The following UBR4 variants were observed in gnomAD, a reference collection of about 807,000 sequenced individuals.
The protein encoded by UBR4 is ubiquitin protein ligase E3 component n-recognin 4.
A neutral mutation model predicts 575.6 loss-of-function variants in UBR4; 124 were observed. The ratio of observed to expected loss-of-function variants is 0.22; its 90% CI spans 0.19 to 0.25. The LOEUF (loss-of-function observed/expected upper bound fraction) is 0.25. Among genes scored for constraint, UBR4 ranks in the 10% least tolerant of loss-of-function variants. The pLI is 1.00. For missense variants in UBR4, 4,818 were observed against 6,478.8 expected (o/e 0.74, Z 8.80); for synonymous variants, 2,455 against 2,473.7 (o/e 0.99, Z 0.22).
At position 19,120,252 on chromosome 1, in the gene UBR4, C is replaced by T. The variant is rs1379812460; in HGVS notation, c.10238G>A (p.Arg3413His). 6 of 1,614,146 alleles carry T rather than the reference C, an allele frequency of 3.7e-6. No individual in the cohort carries two copies. The highest frequency in any genetic ancestry group is 2.2e-5 in the South Asian group (2 of 91,084). Residue 3413 changes from arginine (R) to histidine (H), a missense_variant, in exon 69 of 106, where the codon CGT (arginine) becomes CAT (histidine). By Grantham distance (29) the Arg-to-His change is conservative. Coordinates refer to ENST00000375254, the MANE Select transcript of UBR4 (RefSeq NM_020765.3). The part of the protein sequence containing the change: ...ADKETLIQFL[R>H]CFLLESNSSS... ...AGAATTGGACTCTAACAGGAAACAA[C>T]GCAGGAACTGGATCAGGGTTTCCTT... is the stretch of plus-strand genomic sequence containing the variant.
chr1:19,131,469 T>C (rs2082447724), intron 60 of UBR4, among the ~76,000 whole-genome samples: 1 of 152,176 alleles, frequency 6.6e-6, no homozygotes. Flanking sequence ...GAGAATTCCA[T>C]TGTCAATATG....
Position 19,179,209 on chromosome 1 carries a change from C to T in UBR4, c.2196G>A (p.Leu732=), listed in dbSNP as rs773079326. The change falls in exon 18 of 106, where the codon TTG becomes TTA. Residue 732 remains leucine, a synonymous_variant. Coordinates refer to ENST00000375254, the MANE Select transcript of UBR4 (RefSeq NM_020765.3). ...LQSPNLQNTL[L]QQLGVAPFSE... ...AAAAAGGAGCCACTCCTAGCTGCTG[C>T]AACAGTGTGTTCTGACAAGAAAGAC... is the stretch of plus-strand genomic sequence containing the variant. 1 of 1,577,900 alleles carries T rather than the reference C, an allele frequency of 6.3e-7. No individual in the cohort carries two copies. The highest frequency in any genetic ancestry group is 1.2e-5 in the South Asian group (1 of 84,696).
At chr1:19,192,594 T>C (rs886259453) in intron 9 of UBR4, 54 bp from the exon 10 acceptor site, 25 of 1,592,322 alleles carry the variant, frequency 1.6e-5, no homozygotes, top group Non-Finnish European at 2.0e-5. Flanking sequence ...GATTTCATCA[T>C]AAATGCTAAA....
intron 58 of UBR4, 23 bp downstream of exon 58, chr1:19,140,765 T>C: frequency 4.4e-6 from 7 of 1,607,640 alleles, no homozygotes; most frequent in African/African-American, 1.3e-5. Context: ...CCCTGAGCCG[T>C]GCTCCTTGCT....
intron 68 of UBR4, among the ~76,000 whole-genome samples, 199 bp downstream of exon 68, chr1:19,120,990 G>A (rs1345864685): frequency 6.6e-6 from 1 of 152,170 alleles, no homozygotes. Context: ...ACTGTCACTT[G>A]GTATGAGAAG....
chr1:19,091,970 T>C (rs1034859385), intron 97 of UBR4, among the ~76,000 whole-genome samples: 12 of 150,468 alleles, frequency 8.0e-5, no homozygotes, highest in Non-Finnish European at 1.5e-4. Context: ...CAGAAAATCA[T>C]GCTGAGAAAA....
At position 19,093,929 on chromosome 1, in the gene UBR4, A is replaced by G. The variant is rs2077776987; in HGVS notation, c.13937+20T>C. ...TTAGTGGAGACTCTCATTTCACTATATGAAATCAAAGTAACATACTTATCA... is the reference window on the plus strand; with the variant it reads ...TTAGTGGAGACTCTCATTTCACTATGTGAAATCAAAGTAACATACTTATCA... On this transcript the variant is annotated intron_variant, in intron 95 of 105. Coordinates refer to ENST00000375254, the MANE Select transcript of UBR4 (RefSeq NM_020765.3). The surrounding 1 kb of genome is among the most constrained non-coding windows in gnomAD (Gnocchi z 4.8). 6.2e-7 allele frequency: 1 copy of G among 1,602,602 alleles called. No individual in the cohort carries two copies. The highest frequency in any genetic ancestry group is 1.3e-5 in the African/African-American group (1 of 74,628).
intron 44 of UBR4, 108 bp from the exon 45 acceptor site, chr1:19,154,047 T>C (rs538889675): frequency 7.1e-6 from 9 of 1,264,106 alleles, no homozygotes; most frequent in Non-Finnish European, 9.9e-6. Context: ...CAAAGCAATA[T>C]CCTTGGCCAG....
At chr1:19,158,228 C>G (rs565454822) in intron 39 of UBR4, among the ~76,000 whole-genome samples, 1 of 152,040 alleles carries the variant, frequency 6.6e-6, no homozygotes, top group African/African-American at 2.4e-5. Context: ...AAGTACTGGT[C>G]TTTTAAAAAA....
At position 19,153,238 on chromosome 1, in the gene UBR4, G is replaced by A; in HGVS notation, c.6832+63C>T. 6.5e-7 allele frequency: 1 copy of A among 1,528,140 alleles called. No homozygotes were observed. The highest frequency in any genetic ancestry group is 1.1e-5 in the South Asian group (1 of 88,298). 94.7% of individuals were successfully genotyped at this position (1,528,140 alleles called of 1,614,324 possible). On this transcript the variant is annotated intron_variant, in intron 46 of 105. Coordinates refer to ENST00000375254, the MANE Select transcript of UBR4 (RefSeq NM_020765.3). The surrounding 1 kb of genome is among the most constrained non-coding windows in gnomAD (Gnocchi z 4.1). ...ACAGATATTTTCAACAGTCTATTCTGAGTCACTGTCTAGAAGACCACCATT... is the reference window on the plus strand; with the variant it reads ...ACAGATATTTTCAACAGTCTATTCTAAGTCACTGTCTAGAAGACCACCATT...
At chr1:19,099,039 T>A (rs1489119916) in intron 90 of UBR4, among the ~76,000 whole-genome samples, 1 of 152,154 alleles carries the variant, frequency 6.6e-6, no homozygotes, top group Non-Finnish European at 1.5e-5. Flanking sequence ...AATACTTCCA[T>A]AAGTGGACAA....
chr1:19,156,857 G>T lies in UBR4; in HGVS notation c.5829C>A (p.Thr1943=), dbSNP rs1253258005. ...AAGGAACTGGGGCAGAAGCCAAGCG[G>T]GTCAGAGTTAACTTCCTTTTGCTGG... ...ADSSKRKLTL[T]RLASAPVPFT... is the part of the protein sequence containing the mutation. Residue 1943 remains threonine, a synonymous_variant, in exon 41 of 106, where the codon ACC becomes ACA. Coordinates refer to ENST00000375254, the MANE Select transcript of UBR4 (RefSeq NM_020765.3). The T allele has an allele frequency of 2.5e-6, 4 of 1,614,038 alleles. No individual in the cohort carries two copies. The highest frequency in any genetic ancestry group is 1.6e-4 in the Middle Eastern group (1 of 6,078).
chr1:19,177,866 G>C (rs762561489), intron 18 of UBR4, 123 bp from the exon 19 acceptor site: 146 of 1,184,286 alleles, frequency 1.2e-4, no homozygotes, highest in Non-Finnish European at 1.6e-4. Flanking sequence ...AATTAAGGAA[G>C]AAAAAAAGGC....
rs2089277981 is a variant in UBR4, at chr1:19,170,151, C to T, written c.3643+611G>A. Among the ~76,000 whole-genome samples the T allele has an allele frequency of 2.0e-5, 3 of 152,308 alleles. No homozygotes were observed. In the South Asian group the frequency reaches 6.2e-4, roughly 32 times the overall value. On this transcript the variant is annotated intron_variant, in intron 26 of 105. Transcript: ENST00000375254. ...CCCAGCAAAGAGATTTTTCCAGGCA[C>T]AAAGTACTAGCTTGCTAATCTTCCT...
chr1:19,114,734 T>C, intron 75 of UBR4, 77 bp downstream of exon 75: 2 of 1,551,050 alleles, frequency 1.3e-6, no homozygotes, highest in Middle Eastern at 2.2e-4. Context: ...GAAAGTAAAG[T>C]GCACTGCACT....
chr1:19,199,029 A>G, intron 3 of UBR4, 101 bp from the exon 4 acceptor site: 1 of 1,418,184 alleles, frequency 7.1e-7, no homozygotes, highest in Non-Finnish European at 9.5e-7. Context: ...GGCCAAATTT[A>G]GGTTCATATA....
chr1:19,167,918 G>A, intron 28 of UBR4, 109 bp downstream of exon 28: 1 of 1,214,966 alleles, frequency 8.2e-7, no homozygotes, highest in Non-Finnish European at 1.1e-6. Context: ...TTTTGCTAAA[G>A]AAGTATATAA....
intron 77 of UBR4, 127 bp from the exon 78 acceptor site, chr1:19,112,994 C>A (rs1214374237): frequency 2.1e-6 from 2 of 959,928 alleles, no homozygotes; most frequent in Non-Finnish European, 3.0e-6. Context: ...TCTCAATAAC[C>A]CAACTGGTTA....
At chr1:19,208,846 G>A (rs891878542) in intron 1 of UBR4, among the ~76,000 whole-genome samples, 13 of 150,998 alleles carry the variant, frequency 8.6e-5, no homozygotes, top group African/African-American at 2.5e-4. Flanking sequence ...CGTAACATGA[G>A]TATGAGTCAG....
Sources: gnomAD v4.1 joint callset for allele counts (sites outside exome capture counted in the v4.1 genomes callset) on GRCh38, gnomAD v4.1.1 for gene constraint, Gnocchi (gnomAD v3.1) non-coding constraint, MANE v1.5 for transcripts, NCBI Gene and HGNC (gene_info 2026-07-23, HGNC 2026-07-21) for gene names.